The following RNF26 variants were observed in gnomAD, a reference collection of about 807,000 sequenced individuals.
RNF26 encodes E3 ubiquitin-protein ligase RNF26.
In RNF26, 8 loss-of-function variants were observed where a neutral mutation model predicts 25.4. The ratio of observed to expected loss-of-function variants is 0.31; its 90% CI spans 0.18 to 0.57. The LOEUF (loss-of-function observed/expected upper bound fraction) is 0.57, where lower values mean the gene tolerates loss of function less well. RNF26 is among the 20% of genes least tolerant of loss of function. RNF26 has a pLI of 0.90. For missense variants in RNF26, 470 were observed against 552.0 expected (o/e 0.85, Z 1.49); for synonymous variants, 262 against 246.7 (o/e 1.06, Z -0.58).
Position 119,335,207 on chromosome 11 carries a change from G to A in RNF26, c.85G>A (p.Val29Met), listed in dbSNP as rs1342638241. 2 of 1,614,010 alleles carry A rather than the reference G, an allele frequency of 1.2e-6. No homozygotes were observed. Among genetic ancestry groups the A allele is most frequent in the Non-Finnish European group, 1.7e-6 (2 of 1,180,044 alleles). ...TLVLDLNFLL[V>M]SSLLASLAWL... ...GGTGTTGGACCTCAACTTCCTGCTG[G>A]TGTCCTCCCTCCTGGCTTCCCTGGC... Residue 29 changes from valine (V) to methionine (M), a missense_variant, in exon 1 of 1, where the codon GTG (valine) becomes ATG (methionine). Val to Met is a conservative substitution (Grantham distance 21). Coordinates refer to ENST00000311413, the MANE Select transcript of RNF26 (RefSeq NM_032015.5).
At position 119,336,827 on chromosome 11, in the gene RNF26, A is replaced by C; in HGVS notation, c.*403A>C. The C allele has an allele frequency of 1.4e-5, 3 of 215,454 alleles. No homozygotes were observed. Among genetic ancestry groups the C allele is most frequent in the Admixed American group, 5.2e-5 (1 of 19,072 alleles). The allele number at this position is 215,454 out of a possible 1,614,324, so 13.3% of individuals were successfully genotyped here. A position where few individuals can be genotyped will look rare whatever the true frequency, so the allele number is the denominator to read the frequency against. ...TCCCCAGCTTTTGCGGCCACAACACATCAGTGTCATTTGGGTGTTTTGGCA... is the reference window on the plus strand; with the variant it reads ...TCCCCAGCTTTTGCGGCCACAACACCTCAGTGTCATTTGGGTGTTTTGGCA... On this transcript the variant is annotated 3_prime_UTR_variant, in exon 1 of 1. Transcript: ENST00000311413.
Position 119,335,382 on chromosome 11 carries a change from T to C in RNF26, c.260T>C (p.Leu87Pro). The C allele has an allele frequency of 6.2e-7, 1 of 1,614,208 alleles. No homozygotes were observed. The highest frequency in any genetic ancestry group is 1.1e-5 in the South Asian group (1 of 91,082). Residue 87 changes from leucine to proline, a missense_variant, in exon 1 of 1, where the codon CTG (leucine) becomes CCG (proline). Leu to Pro is a moderately conservative substitution (Grantham distance 98). Coordinates refer to ENST00000311413, the MANE Select transcript of RNF26 (RefSeq NM_032015.5). ...GGCTTGCAGGCCTTGTGTACTCTGCTGTATAGCTGCTGCTCTGGCCTAGAG... is the reference window on the plus strand; with the variant it reads ...GGCTTGCAGGCCTTGTGTACTCTGCCGTATAGCTGCTGCTCTGGCCTAGAG... ...CGGLQALCTLLYSCCSGLESL... is the reference protein window; with the variant it reads ...CGGLQALCTLPYSCCSGLESL...
rs1216485015 is a variant in RNF26, at chr11:119,335,888, C to G, written c.766C>G (p.Gln256Glu). The G allele has an allele frequency of 6.2e-7, 1 of 1,609,616 alleles. No individual in the cohort carries two copies. The change falls in exon 1 of 1, where the codon CAG becomes GAG. Residue 256 changes from glutamine (Q) to glutamate (E), a missense_variant. Transcript: ENST00000311413. ...GGACTTCACCCTGAGGCTGGCTACCCAGGCACTCAGCCAGCTCCATGCCCG... is the reference window on the plus strand; with the variant it reads ...GGACTTCACCCTGAGGCTGGCTACCGAGGCACTCAGCCAGCTCCATGCCCG... ...HPDFTLRLATQALSQLHARPS... is the reference protein window; with the variant it reads ...HPDFTLRLATEALSQLHARPS...
At position 119,335,565 on chromosome 11, in the gene RNF26, T is replaced by A. The variant is rs1214119614; in HGVS notation, c.443T>A (p.Ile148Asn). The stretch of plus-strand genomic sequence containing the variant: ...GCCATGAGCCTGGTGGCTTATGTGA[T>A]CAACAGCCTGGTCAACATCTGCCTC... ...AIAMSLVAYV[I>N]NSLVNICLIG... Residue 148 changes from isoleucine (I) to asparagine (N), a missense_variant, in exon 1 of 1, where the codon ATC (isoleucine) becomes AAC (asparagine). Transcript: ENST00000311413. The A allele has an allele frequency of 6.2e-7, 1 of 1,613,816 alleles. No homozygotes were observed. The highest frequency in any genetic ancestry group is 8.5e-7 in the Non-Finnish European group (1 of 1,179,858).
rs755883898 is a variant in RNF26 at position 119,336,521 on chromosome 11, C to G, written c.*97C>G. On this transcript the variant is annotated 3_prime_UTR_variant, in exon 1 of 1. Transcript: ENST00000311413. ...CATCTCCGGGTCCTGGTCTGAATCCCCTCCTACCCCTGTGGCCATCCTGCC... is the reference window on the plus strand; with the variant it reads ...CATCTCCGGGTCCTGGTCTGAATCCGCTCCTACCCCTGTGGCCATCCTGCC... The G allele has an allele frequency of 6.0e-5, 64 of 1,065,404 alleles. 1 individual carries two copies. Among genetic ancestry groups the G allele is most frequent in the Non-Finnish European group, 8.4e-5 (61 of 730,042 alleles). The allele number at this position is 1,065,404 out of a possible 1,614,324, so 66.0% of individuals were successfully genotyped here.
rs372582914 is a variant in RNF26 at position 119,335,845 on chromosome 11, G to A, written c.723G>A (p.Thr241=). 53 of 1,610,764 alleles carry A rather than the reference G, an allele frequency of 3.3e-5. No homozygotes were observed. The highest frequency in any genetic ancestry group is 1.2e-4 in the African/African-American group (9 of 74,952). Residue 241 remains threonine, a synonymous_variant, in exon 1 of 1, where the codon ACG becomes ACA. Transcript: ENST00000311413. ...LVLLACVLAV[T]VTVLHPDFTL... is the part of the protein sequence containing the mutation. ...TGCTAGCTTGTGTGCTGGCAGTGAC[G>A]GTGACTGTGTTGCATCCGGACTTCA...
chr11:119,335,033 A>C lies in RNF26; in HGVS notation c.-90A>C. On this transcript the variant is annotated 5_prime_UTR_variant, in exon 1 of 1. The change abolishes the stop of an existing upstream ORF in the 5' untranslated region. Coordinates refer to ENST00000311413, the MANE Select transcript of RNF26 (RefSeq NM_032015.5). Reference sequence around the variant, plus strand: ...AGACTGCTCATTTTCCTTCCAAATTAATCCCAGACCCCCTAAAATATTGAC... The same window carrying C: ...AGACTGCTCATTTTCCTTCCAAATTCATCCCAGACCCCCTAAAATATTGAC... 9.8e-7 allele frequency: 1 copy of C among 1,023,854 alleles called. No homozygotes were observed. The highest frequency in any genetic ancestry group is 1.5e-6 in the Non-Finnish European group (1 of 683,992). The allele number at this position is 1,023,854 out of a possible 1,614,324, so 63.4% of individuals were successfully genotyped here.
Position 119,335,157 on chromosome 11 carries a change from G to A in RNF26, c.35G>A (p.Gly12Asp), listed in dbSNP as rs759260625. The A allele has an allele frequency of 6.2e-7, 1 of 1,614,100 alleles. No individual in the cohort carries two copies. Among genetic ancestry groups the A allele is most frequent in the Non-Finnish European group, 8.5e-7 (1 of 1,179,982 alleles). The change falls in exon 1 of 1, where the codon GGC becomes GAC. Residue 12 changes from glycine to aspartate, a missense_variant. By Grantham distance (94) the Gly-to-Asp change is moderately conservative (BLOSUM62 -1). Transcript: ENST00000311413. ...EAVYLVVNGL[G>D]LVLDVLTLVL... Reference sequence around the variant, plus strand: ...GTGTACCTGGTAGTGAATGGGTTGGGCCTGGTGCTGGACGTGCTGACCTTG... The same window carrying A: ...GTGTACCTGGTAGTGAATGGGTTGGACCTGGTGCTGGACGTGCTGACCTTG...
chr11:119,335,984 C>T lies in RNF26; in HGVS notation c.862C>T (p.Arg288Cys), dbSNP rs373389286. 8.1e-6 allele frequency: 13 copies of T among 1,612,446 alleles called. No homozygotes were observed. The highest frequency in any genetic ancestry group is 5.3e-5 in the African/African-American group (4 of 74,936). ...CCTAGCACTGGGCTCAGAGGCCTGGCGCCGAGTCTGGAGCCGCAGTCTGCA... is the reference window on the plus strand; with the variant it reads ...CCTAGCACTGGGCTCAGAGGCCTGGTGCCGAGTCTGGAGCCGCAGTCTGCA... ...SRLALGSEAWRRVWSRSLQLA... is the reference protein window; with the variant it reads ...SRLALGSEAWCRVWSRSLQLA... The change falls in exon 1 of 1, where the codon CGC (arginine) becomes TGC (cysteine). Residue 288 changes from arginine (R) to cysteine (C), a missense_variant. Arg to Cys is a radical substitution (Grantham distance 180, BLOSUM62 -3). Coordinates refer to ENST00000311413, the MANE Select transcript of RNF26 (RefSeq NM_032015.5).
Position 119,335,305 on chromosome 11 carries a change from C to A in RNF26, c.183C>A (p.Val61=). The A allele has an allele frequency of 6.2e-7, 1 of 1,614,210 alleles. No homozygotes were observed. Among genetic ancestry groups the A allele is most frequent in the Non-Finnish European group, 8.5e-7 (1 of 1,180,034 alleles). Residue 61 remains valine, a synonymous_variant, in exon 1 of 1, where the codon GTC becomes GTA. Transcript: ENST00000311413. ...GTCTTCTGCACTTGGGCCGCGGAGT[C>A]TTGCTTTCATTGCTGGCCTTGATCG... ...LTSLLHLGRG[V]LLSLLALIEA... is the part of the protein sequence containing the mutation.
rs752881562 is a variant in RNF26, at chr11:119,335,513, C to T, written c.391C>T (p.Arg131Cys). 1.7e-5 allele frequency: 28 copies of T among 1,613,596 alleles called. No individual in the cohort carries two copies. Among genetic ancestry groups the T allele is most frequent in the East Asian group, 6.7e-5 (3 of 44,898 alleles). Residue 131 changes from arginine (R) to cysteine (C), a missense_variant, in exon 1 of 1, where the codon CGC becomes TGC. Arg to Cys is a radical substitution (Grantham distance 180). Transcript: ENST00000311413. ...NVVSSGHALL[R>C]QACDICAIAM... is the part of the protein sequence containing the mutation. ...GGTCTCCAGTGGCCATGCTTTGCTG[C>T]GCCAGGCCTGTGACATCTGTGCCAT...
Position 119,336,308 on chromosome 11 carries a change from C to A in RNF26, c.1186C>A (p.Arg396=). 1.2e-6 allele frequency: 2 copies of A among 1,613,292 alleles called. No homozygotes were observed. The highest frequency in any genetic ancestry group is 1.7e-6 in the Non-Finnish European group (2 of 1,180,028). The change falls in exon 1 of 1, where the codon CGG becomes AGG. Residue 396 remains arginine (R), a synonymous_variant. Coordinates refer to ENST00000311413, the MANE Select transcript of RNF26 (RefSeq NM_032015.5). Reference sequence around the variant, plus strand: ...CAAGACAGTGTTGCTCCTGCCCTGCCGGCATCTGTGCCTGTGCCAGGCCTG... The same window carrying A: ...CAAGACAGTGTTGCTCCTGCCCTGCAGGCATCTGTGCCTGTGCCAGGCCTG... ...QSKTVLLLPC[R]HLCLCQACTE...
Position 119,335,171 on chromosome 11 carries a change from GTGC to G in RNF26, c.52_54del (p.Leu18del), listed in dbSNP as rs1950432803. ...GAATGGGTTGGGCCTGGTGCTGGAC[GTGC>G]TGACCTTGGTGTTGGACCTCAACTT... is the stretch of plus-strand genomic sequence containing the variant. On this transcript the variant is annotated inframe_deletion, in exon 1 of 1. Coordinates refer to ENST00000311413, the MANE Select transcript of RNF26 (RefSeq NM_032015.5). 6.2e-7 allele frequency: 1 copy of G among 1,613,982 alleles called. No individual in the cohort carries two copies. Among genetic ancestry groups the G allele is most frequent in the African/African-American group, 1.3e-5 (1 of 74,902 alleles).
Position 119,336,840 on chromosome 11 carries a change from G to A in RNF26, c.*416G>A, listed in dbSNP as rs1474672911. On this transcript the variant is annotated 3_prime_UTR_variant, in exon 1 of 1. Transcript: ENST00000311413. ...CGGCCACAACACATCAGTGTCATTTGGGTGTTTTGGCAACTCAGGGGCCTT... is the reference window on the plus strand; with the variant it reads ...CGGCCACAACACATCAGTGTCATTTAGGTGTTTTGGCAACTCAGGGGCCTT... The A allele has an allele frequency of 4.9e-6, 1 of 203,512 alleles. No homozygotes were observed. Among genetic ancestry groups the A allele is most frequent in the Admixed American group, 5.3e-5 (1 of 18,710 alleles). 12.6% of individuals were successfully genotyped at this position (203,512 alleles called of 1,614,324 possible). A position where few individuals can be genotyped will look rare whatever the true frequency, so the allele number is the denominator to read the frequency against.
Position 119,336,395 on chromosome 11 carries a change from A to G in RNF26, c.1273A>G (p.Ile425Val). 6.2e-7 allele frequency: 1 copy of G among 1,611,086 alleles called. No individual in the cohort carries two copies. The highest frequency in any genetic ancestry group is 8.5e-7 in the Non-Finnish European group (1 of 1,179,738). ...CAATTGCCCGCTCTGCCGCCGGGGC[A>G]TCCTGCAGACCCTCAATGTCTACCT... ...HRNCPLCRRG[I>V]LQTLNVYL Residue 425 changes from isoleucine to valine, a missense_variant, in exon 1 of 1, where the codon ATC (isoleucine) becomes GTC (valine). Ile to Val is a conservative substitution (Grantham distance 29). Coordinates refer to ENST00000311413, the MANE Select transcript of RNF26 (RefSeq NM_032015.5).
At position 119,335,594 on chromosome 11, in the gene RNF26, G is replaced by A. The variant is rs201098751; in HGVS notation, c.472G>A (p.Gly158Ser). The part of the protein sequence containing the change: ...INSLVNICLI[G>S]TQNLFSLVLA... Reference sequence around the variant, plus strand: ...CAGCCTGGTCAACATCTGCCTCATCGGCACTCAGAACCTCTTTTCCCTGGT... The same window carrying A: ...CAGCCTGGTCAACATCTGCCTCATCAGCACTCAGAACCTCTTTTCCCTGGT... Residue 158 changes from glycine (G) to serine (S), a missense_variant, in exon 1 of 1, where the codon GGC (glycine) becomes AGC (serine). Transcript: ENST00000311413. 51 of 1,613,028 alleles carry A rather than the reference G, an allele frequency of 3.2e-5. No homozygotes were observed. The Admixed American group carries it at 8.0e-4, about 25-fold the overall frequency.
chr11:119,336,358 C>T lies in RNF26; in HGVS notation c.1236C>T (p.Pro412=), dbSNP rs144302351. ...QACTEILMRH[P]VYHRNCPLCR... is the part of the protein sequence containing the mutation. ...GCACTGAAATCCTGATGCGCCACCC[C>T]GTCTACCACCGCAATTGCCCGCTCT... Residue 412 remains proline (P), a synonymous_variant, in exon 1 of 1, where the codon CCC becomes CCT. Coordinates refer to ENST00000311413, the MANE Select transcript of RNF26 (RefSeq NM_032015.5). 3.4e-4 allele frequency: 551 copies of T among 1,611,998 alleles called. 1 individual carries two copies. Among genetic ancestry groups the T allele is most frequent in the Non-Finnish European group, 4.4e-4 (525 of 1,180,002 alleles).
chr11:119,335,978 G>C lies in RNF26; in HGVS notation c.856G>C (p.Ala286Pro). 1 of 1,612,414 alleles carries C rather than the reference G, an allele frequency of 6.2e-7. No individual in the cohort carries two copies. The change falls in exon 1 of 1, where the codon GCC becomes CCC. Residue 286 changes from alanine (A) to proline (P), a missense_variant. By Grantham distance (27) the Ala-to-Pro change is conservative. Transcript: ENST00000311413. ...CTCTCGCCTAGCACTGGGCTCAGAG[G>C]CCTGGCGCCGAGTCTGGAGCCGCAG... is the stretch of plus-strand genomic sequence containing the variant. ...RLSRLALGSE[A>P]WRRVWSRSLQ...
In RNF26 at chr11:119,336,359, G is replaced by A. The variant is rs777702624; in HGVS notation, c.1237G>A (p.Val413Ile). Residue 413 changes from valine (V) to isoleucine (I), a missense_variant, in exon 1 of 1, where the codon GTC (valine) becomes ATC (isoleucine). By Grantham distance (29) the Val-to-Ile change is conservative. Coordinates refer to ENST00000311413, the MANE Select transcript of RNF26 (RefSeq NM_032015.5). ...CACTGAAATCCTGATGCGCCACCCC[G>A]TCTACCACCGCAATTGCCCGCTCTG... ...ACTEILMRHP[V>I]YHRNCPLCRR... 2.5e-5 allele frequency: 40 copies of A among 1,611,676 alleles called. No individual in the cohort carries two copies. The highest frequency in any genetic ancestry group is 2.0e-4 in the East Asian group (9 of 44,896).
Sources: allele counts gnomAD v4.1 joint callset, GRCh38; gene constraint gnomAD v4.1.1; transcripts MANE v1.5; gene names NCBI Gene and HGNC (gene_info 2026-07-23, HGNC 2026-07-21).